Variants in IGSF6 observed in about 807,000 individuals in gnomAD.
The protein encoded by IGSF6 is immunoglobulin superfamily member 6, also known as down-regulated by activation (immunoglobulin superfamily).
Under a neutral mutation model 24.7 loss-of-function variants are expected in IGSF6, and 23 were observed. The ratio of observed to expected loss-of-function variants is 0.93; its 90% CI spans 0.67 to 1.32. The LOEUF is 1.32. Among genes scored for constraint, IGSF6 ranks in the 40% most tolerant of loss-of-function variants. The pLI is 0.00. For missense variants in IGSF6, 295 were observed against 293.6 expected, an observed-to-expected ratio of 1.00 and a Z score of -0.04; for synonymous variants, 110 against 113.7, an observed-to-expected ratio of 0.97 and a Z score of 0.21.
chr16:21,646,284 A>C (rs1238684467), intron 2 of IGSF6: 2 of 152,152 alleles, frequency 1.3e-5, no homozygotes, highest in African/African-American at 4.8e-5. Flanking sequence ...GTTTTATCAA[A>C]TCTCAGGAAG....
intron 5 of IGSF6, among the ~76,000 whole-genome samples, chr16:21,642,794 A>G (rs776823049): frequency 6.6e-6 from 1 of 152,184 alleles, no homozygotes; most frequent in Admixed American, 6.5e-5. Flanking sequence ...TATCCTTTTA[A>G]AGCATCATTG....
In IGSF6 at chr16:21,643,555, G is replaced by A; in HGVS notation, c.578C>T (p.Ser193Leu). ...PLRNKEIKEDSQKKKSARRIF... is the reference protein window; with the variant it reads ...PLRNKEIKEDLQKKKSARRIF... ...TCAAGTGTTGGTCTGTACCTTTTGT[G>A]AGTCTTCTTTTATTTCTTTGTTTCT... Residue 193 changes from serine (S) to leucine (L), a missense_variant, in exon 4 of 6, where the codon TCA becomes TTA. Physicochemically the swap from Ser to Leu is moderately radical, Grantham distance 145 (BLOSUM62 -2). Transcript: ENST00000268389. 1 of 1,601,642 alleles carries A rather than the reference G, an allele frequency of 6.2e-7. No individual in the cohort carries two copies. Among genetic ancestry groups the A allele is most frequent in the Non-Finnish European group, 8.5e-7 (1 of 1,170,258 alleles).
chr16:21,643,957 G>A (rs925782558), intron 3 of IGSF6, among the ~76,000 whole-genome samples: 1 of 152,124 alleles, frequency 6.6e-6, no homozygotes. Context: ...GGCTTTCGTA[G>A]ATAACAGTAA....
intron 1 of IGSF6, among the ~76,000 whole-genome samples, chr16:21,651,172 G>A (rs1309673804): frequency 2.0e-5 from 3 of 152,248 alleles, no homozygotes; most frequent in South Asian, 2.1e-4. Flanking sequence ...GCAGTGAGCC[G>A]AGATCTTGCC....
chr16:21,647,410 C>CT lies in IGSF6; in HGVS notation c.149dup (p.Cys51ValfsTer11). 1.2e-6 allele frequency: 2 copies of CT among 1,614,090 alleles called. No individual in the cohort carries two copies. Among genetic ancestry groups the CT allele is most frequent in the Non-Finnish European group, 1.7e-6 (2 of 1,180,016 alleles). On this transcript the variant is annotated frameshift_variant, in exon 2 of 6. Transcript: ENST00000268389. LOFTEE classifies it high-confidence loss of function. ...GGCATCCGGTTGCGGAGAAGGTACA[C>CT]TTTATGGTGACGGCCTCATGAGTGT...
intron 1 of IGSF6, among the ~76,000 whole-genome samples, chr16:21,647,697 G>A (rs1202648451): frequency 1.3e-5 from 2 of 152,120 alleles, no homozygotes; most frequent in African/African-American, 4.8e-5. Context: ...GTCACATGAT[G>A]TCTGTTCACT....
Position 21,647,423 on chromosome 16 carries a change from G to C in IGSF6, c.137C>G (p.Ala46Gly). The C allele has an allele frequency of 6.2e-7, 1 of 1,614,076 alleles. No homozygotes were observed. The highest frequency in any genetic ancestry group is 8.5e-7 in the Non-Finnish European group (1 of 1,179,998). The change falls in exon 2 of 6, where the codon GCC (alanine) becomes GGC (glycine). Residue 46 changes from alanine (A) to glycine (G), a missense_variant. Transcript: ENST00000268389. The part of the protein sequence containing the change: ...WYLEVDYTHE[A>G]VTIKCTFSAT... The stretch of plus-strand genomic sequence containing the variant: ...GGAGAAGGTACACTTTATGGTGACG[G>C]CCTCATGAGTGTAGTCCACTTCTAG...
chr16:21,645,350 G>A (rs1966394571), intron 2 of IGSF6, among the ~76,000 whole-genome samples: 1 of 152,182 alleles, frequency 6.6e-6, no homozygotes, highest in South Asian at 2.1e-4. Flanking sequence ...CTACTCAGGA[G>A]GTTGAGGCAG....
At chr16:21,648,568 G>A (rs961613494) in intron 1 of IGSF6, among the ~76,000 whole-genome samples, 1 of 152,336 alleles carries the variant, frequency 6.6e-6, no homozygotes, top group African/African-American at 2.4e-5. Flanking sequence ...TGTCCACCAT[G>A]TGGTGCTCTT....
chr16:21,644,200 G>T, intron 3 of IGSF6, 90 bp downstream of exon 3: 1 of 901,096 alleles, frequency 1.1e-6, no homozygotes, highest in Non-Finnish European at 1.8e-6. Flanking sequence ...CTCTTGCTGA[G>T]GCCCATAACT....
chr16:21,650,508 CAAAAAA>C (rs3046229), intron 1 of IGSF6, among the ~76,000 whole-genome samples: 5 of 89,954 alleles, frequency 5.6e-5, no homozygotes, highest in South Asian at 4.0e-4. Flanking sequence ...ACTCTTGTCT[CAAAAAA>C]AAAAAAAAAA....
intron 2 of IGSF6, among the ~76,000 whole-genome samples, chr16:21,645,533 A>G (rs559125713): frequency 6.6e-6 from 1 of 152,338 alleles, no homozygotes; most frequent in African/African-American, 2.4e-5. Flanking sequence ...TTTATTTGTG[A>G]AACTAACAAA....
chr16:21,645,543 A>G (rs529798173), intron 2 of IGSF6, among the ~76,000 whole-genome samples: 4 of 152,350 alleles, frequency 2.6e-5, no homozygotes, highest in Admixed American at 1.3e-4. Flanking sequence ...AAACTAACAA[A>G]TTAACCACAT....
In IGSF6 at chr16:21,643,557, G is replaced by A. The variant is rs1333892235; in HGVS notation, c.576C>T (p.Asp192=). ...NPLRNKEIKE[D]SQKKKSARRI... is the part of the protein sequence containing the mutation. ...AAGTGTTGGTCTGTACCTTTTGTGA[G>A]TCTTCTTTTATTTCTTTGTTTCTTA... The change falls in exon 4 of 6, where the codon GAC becomes GAT. Residue 192 remains aspartate, a synonymous_variant. Coordinates refer to ENST00000268389, the MANE Select transcript of IGSF6 (RefSeq NM_005849.4). 6.2e-7 allele frequency: 1 copy of A among 1,602,906 alleles called. No homozygotes were observed. Among genetic ancestry groups the A allele is most frequent in the Non-Finnish European group, 8.5e-7 (1 of 1,171,386 alleles).
chr16:21,643,419 G>T (rs1966330185), intron 4 of IGSF6, 129 bp downstream of exon 4: 2 of 664,138 alleles, frequency 3.0e-6, no homozygotes, highest in East Asian at 5.4e-5. Flanking sequence ...AGTGTCTGCA[G>T]TTGAAAGTTA....
Position 21,641,523 on chromosome 16 carries a change from T to G in IGSF6, c.*11A>C, listed in dbSNP as rs779697190. The stretch of plus-strand genomic sequence containing the variant: ...GGATTTTCAGTGACTTCATTGAAAA[T>G]TAAAACGTTTCTATGGCCTTTCATA... On this transcript the variant is annotated 3_prime_UTR_variant, in exon 6 of 6. Coordinates refer to ENST00000268389, the MANE Select transcript of IGSF6 (RefSeq NM_005849.4). 1.5e-5 allele frequency: 24 copies of G among 1,554,706 alleles called. No homozygotes were observed. Among genetic ancestry groups the G allele is most frequent in the Non-Finnish European group, 1.9e-5 (22 of 1,132,624 alleles).
chr16:21,641,697 C>G (rs1015154191), intron 5 of IGSF6, 104 bp from the exon 6 acceptor site: 4 of 604,366 alleles, frequency 6.6e-6, no homozygotes, highest in Non-Finnish European at 1.2e-5. Context: ...ATTCTGGGTC[C>G]TAAGTGTCCA....
intron 3 of IGSF6, among the ~76,000 whole-genome samples, chr16:21,643,820 A>G (rs554183984): frequency 6.6e-6 from 1 of 150,934 alleles, no homozygotes; most frequent in Non-Finnish European, 1.5e-5. Context: ...ACAATGGTAT[A>G]CATCTCCCTT....
At chr16:21,650,365 A>G (rs1458297375) in intron 1 of IGSF6, among the ~76,000 whole-genome samples, 1 of 151,878 alleles carries the variant, frequency 6.6e-6, no homozygotes, top group Non-Finnish European at 1.5e-5. Context: ...AAAATTAGCC[A>G]GGTGTGGTGG....
Sources: allele counts gnomAD v4.1 joint callset (sites outside exome capture counted in the v4.1 genomes callset), GRCh38; gene constraint gnomAD v4.1.1; transcripts MANE v1.5; gene names NCBI Gene and HGNC (gene_info 2026-07-23, HGNC 2026-07-21).